Variants in REV3L observed in about 807,000 individuals in gnomAD.
REV3L encodes REV3 like, DNA directed polymerase zeta catalytic subunit, also known as DNA polymerase zeta catalytic subunit.
Under a neutral mutation model 299.4 loss-of-function variants are expected in REV3L, and 69 were observed. That is an observed-to-expected ratio of 0.23 (90% CI 0.19 to 0.28). The LOEUF is 0.28. REV3L is among the 10% of genes least tolerant of loss of function. The pLI, the probability that REV3L is intolerant of heterozygous loss-of-function variation, is 1.00. For synonymous variants in REV3L, 1,238 were observed against 1,271.4 expected, an observed-to-expected ratio of 0.97 and a Z score of 0.56; for missense variants, 3,128 against 3,693.8, an observed-to-expected ratio of 0.85 and a Z score of 3.97.
At chr6:111,360,337 T>G (rs1038692065) in intron 16 of REV3L, among the ~76,000 whole-genome samples, 1 of 152,186 alleles carries the variant, frequency 6.6e-6, no homozygotes, top group Non-Finnish European at 1.5e-5. Context: ...ACATACTTAT[T>G]GCTTTGGGGG....
At chr6:111,349,011 A>G in intron 20 of REV3L, 1 of 379,384 alleles carries the variant, frequency 2.6e-6, no homozygotes, top group East Asian at 4.5e-5. Context: ...GACACAAGAA[A>G]AAAAAAAAAA....
At chr6:111,306,171 T>C (rs1025478802) in intron 31 of REV3L, among the ~76,000 whole-genome samples, 1 of 152,024 alleles carries the variant, frequency 6.6e-6, no homozygotes, top group African/African-American at 2.4e-5. Context: ...GCAGAGGAGA[T>C]TATGGCAGGA....
intron 1 of REV3L, among the ~76,000 whole-genome samples, chr6:111,422,110 A>G (rs1328109148): frequency 6.6e-6 from 1 of 152,262 alleles, no homozygotes; most frequent in African/African-American, 2.4e-5. Context: ...GTACACGAAG[A>G]TTCAGATACT....
At chr6:111,431,811 T>C (rs1786963596) in intron 1 of REV3L, 2 of 618,554 alleles carry the variant, frequency 3.2e-6, no homozygotes, top group Non-Finnish European at 5.8e-6. Context: ...TTATATATTA[T>C]GTACATACTT....
chr6:111,431,190 A>T (rs1786880222), intron 1 of REV3L: 9 of 1,566,636 alleles, frequency 5.7e-6, no homozygotes, highest in Non-Finnish European at 7.9e-6. Context: ...AAGATTATCC[A>T]TCTGTGATGG....
chr6:111,417,580 T>C (rs1411511510), intron 1 of REV3L, among the ~76,000 whole-genome samples: 1 of 152,206 alleles, frequency 6.6e-6, no homozygotes, highest in East Asian at 1.9e-4. Flanking sequence ...GCCTTTTCTT[T>C]TGGTAGGAAT....
intron 1 of REV3L, among the ~76,000 whole-genome samples, chr6:111,463,025 G>A (rs890049098): frequency 6.6e-6 from 1 of 152,052 alleles, no homozygotes; most frequent in Non-Finnish European, 1.5e-5. Context: ...TAAGGTCCTT[G>A]CAGTAGCTAC....
rs545841110 is a variant in REV3L, at chr6:111,352,099, C to A, written c.7185-308G>T. On this transcript the variant is annotated intron_variant, in intron 18 of 31. Coordinates refer to ENST00000368802, the MANE Select transcript of REV3L (RefSeq NM_001372078.1). ...TTAGCTCACTGCAACCTCTGCTTCC[C>A]AGGTTCAAACGATTCTCCTGCCTCA... Among the ~76,000 whole-genome samples, 6 of 152,006 alleles carry A rather than the reference C, an allele frequency of 3.9e-5. No individual in the cohort carries two copies. In the South Asian group the frequency reaches 1.0e-3, roughly 26 times the overall value.
Position 111,374,532 on chromosome 6 carries a change from C to T in REV3L, c.3823G>A (p.Asp1275Asn). 6.2e-7 allele frequency: 1 copy of T among 1,614,058 alleles called. No homozygotes were observed. The stretch of plus-strand genomic sequence containing the variant: ...GGTAGGGAAGCAGAAAGGGGATGAT[C>T]TACAGCAGAGCCCATTAGTGGCATA... Reference protein sequence around the residue: ...KDMPLMGSAVDHPLSASLPTG... With the variant: ...KDMPLMGSAVNHPLSASLPTG... The change falls in exon 13 of 32, where the codon GAT becomes AAT. Residue 1275 changes from aspartate to asparagine, a missense_variant. This residue lies in a region of REV3L where 2,409 missense variants were observed against 2,611.8 expected (regional missense o/e 0.92). Coordinates refer to ENST00000368802, the MANE Select transcript of REV3L (RefSeq NM_001372078.1).
chr6:111,306,814 A>G (rs1772363647), intron 31 of REV3L, among the ~76,000 whole-genome samples: 1 of 152,260 alleles, frequency 6.6e-6, no homozygotes, highest in South Asian at 2.1e-4. Context: ...AAGCACTAGT[A>G]GAGCAATTGA....
chr6:111,454,430 T>G (rs1185664936), intron 1 of REV3L, among the ~76,000 whole-genome samples: 1 of 152,160 alleles, frequency 6.6e-6, no homozygotes, highest in Non-Finnish European at 1.5e-5. Context: ...TAACCCTTTT[T>G]GGGTATACAA....
At chr6:111,337,786 T>C (rs1298397080) in intron 21 of REV3L, among the ~76,000 whole-genome samples, 1 of 152,198 alleles carries the variant, frequency 6.6e-6, no homozygotes, top group East Asian at 1.9e-4. Flanking sequence ...CTGCAAAGTG[T>C]AAATCTGAAA....
intron 4 of REV3L, among the ~76,000 whole-genome samples, chr6:111,402,296 C>T (rs184905513): frequency 1.5e-3 from 234 of 152,150 alleles, no homozygotes; most frequent in Non-Finnish European, 2.9e-3. Context: ...AAGTATGTTC[C>T]ATTTCCCAGT....
intron 26 of REV3L, among the ~76,000 whole-genome samples, chr6:111,320,075 CTTT>C (rs569599284): frequency 7.9e-6 from 1 of 127,018 alleles, no homozygotes; most frequent in African/African-American, 3.0e-5. Flanking sequence ...TGCACCTGGC[CTTT>C]TTTTTTTGAG....
At chr6:111,342,175 T>C (rs1392311978) in intron 21 of REV3L, among the ~76,000 whole-genome samples, 1 of 152,006 alleles carries the variant, frequency 6.6e-6, no homozygotes, top group African/African-American at 2.4e-5. Flanking sequence ...AACAAGCAAC[T>C]GGAAAAGGGG....
intron 30 of REV3L, chr6:111,308,300 C>T (rs1394805747): frequency 2.1e-4 from 97 of 451,502 alleles, no homozygotes; most frequent in South Asian, 1.4e-3. Context: ...GGTTAACATT[C>T]TTGCCGATGA....
intron 1 of REV3L, among the ~76,000 whole-genome samples, chr6:111,451,937 T>C (rs539545435): frequency 4.0e-5 from 6 of 151,012 alleles, no homozygotes; most frequent in East Asian, 1.9e-4. Context: ...ATGCAAGCCA[T>C]AGATTGGGAG....
intron 5 of REV3L, among the ~76,000 whole-genome samples, chr6:111,391,959 G>A (rs766515199): frequency 3.3e-5 from 5 of 152,200 alleles, no homozygotes; most frequent in South Asian, 2.1e-4. Context: ...ACTGACCTCC[G>A]GTCTGGGCAA....
At chr6:111,306,284 G>C (rs17540269) in intron 31 of REV3L, among the ~76,000 whole-genome samples, 3,207 of 152,266 alleles carry the variant, frequency 0.021, 39 homozygotes, top group South Asian at 0.038. Flanking sequence ...CCTGGCAGAA[G>C]GAGCAGGGTG....
Sources: allele counts gnomAD v4.1 joint callset (sites outside exome capture counted in the v4.1 genomes callset), GRCh38; gene constraint gnomAD v4.1.1; regional missense constraint gnomAD v4.1.1; transcripts MANE v1.5; gene names NCBI Gene and HGNC (gene_info 2026-07-23, HGNC 2026-07-21).